SLC16A12: variants seen among roughly 807,000 people sequenced by gnomAD.
The protein encoded by SLC16A12 is monocarboxylate transporter 12.
SLC16A12 carries 17 observed loss-of-function variants against 42.4 expected under a neutral mutation model. That is an observed-to-expected ratio of 0.40 (90% CI 0.27 to 0.60). The LOEUF (loss-of-function observed/expected upper bound fraction) is 0.60. Among genes scored for constraint, SLC16A12 ranks in the 20% least tolerant of loss-of-function variants. The pLI is 0.42. For synonymous variants in SLC16A12, 224 were observed against 229.4 expected (o/e 0.98, Z 0.21); for missense variants, 544 against 623.0 (o/e 0.87, Z 1.35).
chr10:89,438,941 C>A lies in SLC16A12; in HGVS notation c.691G>T (p.Glu231Ter). The A allele has an allele frequency of 6.2e-7, 1 of 1,614,166 alleles. No homozygotes were observed. Among genetic ancestry groups the A allele is most frequent in the Non-Finnish European group, 8.5e-7 (1 of 1,180,020 alleles). The change falls in exon 6 of 8, where the codon GAG (glutamate) becomes TAG (stop). Residue 231 changes from glutamate to a stop codon, truncating the protein, a stop_gained. Coordinates refer to ENST00000371790, the MANE Select transcript of SLC16A12 (RefSeq NM_213606.4). LOFTEE classifies it high-confidence loss of function. ...GALMRPITLKEDHTTPEQNHV... is the reference protein window; with the variant it reads ...GALMRPITLK ...TTCTGCTCTGGAGTTGTGTGGTCCT[C>A]TTTAAGAGTAATTGGCCTCATCAAG...
intron 2 of SLC16A12, among the ~76,000 whole-genome samples, chr10:89,550,188 C>T (rs570282779): frequency 6.6e-6 from 1 of 152,306 alleles, no homozygotes; most frequent in African/African-American, 2.4e-5. Context: ...TGCTCTTAGC[C>T]TCTTCCCATC....
intron 2 of SLC16A12, among the ~76,000 whole-genome samples, chr10:89,514,147 A>C (rs769933403): frequency 6.6e-6 from 1 of 152,254 alleles, no homozygotes; most frequent in African/African-American, 2.4e-5. Context: ...TGACAAGCTC[A>C]CAAGTGACGC....
chr10:89,486,748 G>A (rs962643536), intron 2 of SLC16A12, among the ~76,000 whole-genome samples: 6 of 150,376 alleles, frequency 4.0e-5, no homozygotes, highest in Non-Finnish European at 8.9e-5. Context: ...GTAGAAATAA[G>A]TATAGAAATA....
chr10:89,453,551 A>C (rs1251750282), intron 3 of SLC16A12, among the ~76,000 whole-genome samples: 2 of 152,202 alleles, frequency 1.3e-5, no homozygotes, highest in Non-Finnish European at 2.9e-5. Flanking sequence ...AATTGTCTAC[A>C]GTATTCAGTA....
chr10:89,446,250 C>T (rs940503469), intron 3 of SLC16A12, among the ~76,000 whole-genome samples: 1 of 152,028 alleles, frequency 6.6e-6, no homozygotes, highest in Non-Finnish European at 1.5e-5. Context: ...TCAGGAAATA[C>T]AGAGAACAAC....
At chr10:89,507,023 G>A (rs754332347) in intron 2 of SLC16A12, among the ~76,000 whole-genome samples, 25 of 152,004 alleles carry the variant, frequency 1.6e-4, no homozygotes, top group Non-Finnish European at 3.5e-4. Context: ...GACAAGATTA[G>A]AGAAAAAAGA....
chr10:89,530,478 C>T lies in SLC16A12; in HGVS notation c.-47+4023G>A, dbSNP rs1294212745. Among the ~76,000 whole-genome samples, 8 of 151,168 alleles carry T rather than the reference C, an allele frequency of 5.3e-5. No homozygotes were observed. In the East Asian group the frequency reaches 5.8e-4, roughly 11 times the overall value. On this transcript the variant is annotated intron_variant, in intron 2 of 7. Transcript: ENST00000371790. ...TGTTGCCCAGGCTGGAGTGCAGTGG[C>T]GGGATCTTGGCTCACTGCAAGCTCC...
At chr10:89,546,915 C>T (rs1843745276) in intron 2 of SLC16A12, among the ~76,000 whole-genome samples, 1 of 152,162 alleles carries the variant, frequency 6.6e-6, no homozygotes, top group Non-Finnish European at 1.5e-5. Context: ...CCATCATCCC[C>T]AACAAACTAA....
chr10:89,549,162 T>A (rs1843757053), intron 2 of SLC16A12, among the ~76,000 whole-genome samples: 1 of 152,234 alleles, frequency 6.6e-6, no homozygotes, highest in Admixed American at 6.5e-5. Context: ...TCTTTATGAA[T>A]TAATTAGCAA....
intron 3 of SLC16A12, among the ~76,000 whole-genome samples, chr10:89,459,941 C>CAAAAT (rs1842268783): frequency 1.3e-5 from 2 of 152,060 alleles, no homozygotes; most frequent in South Asian, 2.1e-4. Context: ...AACTCTGTCT[C>CAAAAT]AAAATAAAAT....
upstream of SLC16A12, among the ~76,000 whole-genome samples, chr10:89,536,545 C>T (rs879509979): frequency 6.6e-5 from 10 of 151,906 alleles, no homozygotes; most frequent in Non-Finnish European, 1.2e-4. Flanking sequence ...GAAAAGGGAG[C>T]TGCCAGGACG....
At chr10:89,483,843 T>G (rs1380709930) in intron 2 of SLC16A12, among the ~76,000 whole-genome samples, 1 of 152,204 alleles carries the variant, frequency 6.6e-6, no homozygotes, top group African/African-American at 2.4e-5. Context: ...TTAGTGCTTT[T>G]TACACATGTT....
intron 2 of SLC16A12, among the ~76,000 whole-genome samples, chr10:89,520,931 G>A (rs1468777645): frequency 1.3e-5 from 2 of 152,212 alleles, no homozygotes; most frequent in Non-Finnish European, 2.9e-5. Flanking sequence ...CCAGTGCCTG[G>A]AACACGTACA....
upstream of SLC16A12, among the ~76,000 whole-genome samples, chr10:89,535,735 G>T (rs1843647571): frequency 6.6e-6 from 1 of 152,102 alleles, no homozygotes; most frequent in East Asian, 1.9e-4. Flanking sequence ...TGCCCCCGGG[G>T]CGCACCCGCC....
intron 3 of SLC16A12, among the ~76,000 whole-genome samples, chr10:89,456,470 G>A (rs1334715692): frequency 6.6e-6 from 1 of 152,002 alleles, no homozygotes; most frequent in Non-Finnish European, 1.5e-5. Flanking sequence ...AACTCAAGTG[G>A]CCAATTTATG....
chr10:89,430,999 TC>T lies in SLC16A12; in HGVS notation c.*2064del, dbSNP rs750912858. 4 of 245,356 alleles carry T rather than the reference TC, an allele frequency of 1.6e-5. No individual in the cohort carries two copies. Among genetic ancestry groups the T allele is most frequent in the Admixed American group, 6.1e-5 (1 of 16,282 alleles). The allele number at this position is 245,356 out of a possible 1,614,324, so 15.2% of individuals were successfully genotyped here. The stretch of plus-strand genomic sequence containing the variant: ...TAACTTTGACATTTTACAGATACCT[TC>T]CAATTTTTTTTTTTTGAGATGGAGT... On this transcript the variant is annotated 3_prime_UTR_variant, in exon 8 of 8. Transcript: ENST00000371790.
intron 3 of SLC16A12, among the ~76,000 whole-genome samples, chr10:89,454,715 C>A (rs1406889611): frequency 1.3e-5 from 2 of 151,952 alleles, no homozygotes; most frequent in African/African-American, 2.4e-5. Context: ...GATAACCTTC[C>A]TCCAGGAAGG....
At chr10:89,454,095 T>C (rs955645081) in intron 3 of SLC16A12, among the ~76,000 whole-genome samples, 2 of 151,960 alleles carry the variant, frequency 1.3e-5, no homozygotes, top group Admixed American at 1.3e-4. Context: ...GTGTGATCAC[T>C]GCAGCCTTGA....
At position 89,441,118 on chromosome 10, in the gene SLC16A12, T is replaced by A. The variant is rs1046343574; in HGVS notation, c.438A>T (p.Gly146=). The change falls in exon 5 of 8, where the codon GGA becomes GGT. Residue 146 remains glycine, a synonymous_variant. Coordinates refer to ENST00000371790, the MANE Select transcript of SLC16A12 (RefSeq NM_213606.4). ...TSLKHLYLTL[G]VLTGLGFALC... is the part of the protein sequence containing the mutation. Reference sequence around the variant, plus strand: ...ACAAAGTGCCCTTACCTGTAAGAACTCCCAGAGTGAGGTAGAGATGCTTCA... The same window carrying A: ...ACAAAGTGCCCTTACCTGTAAGAACACCCAGAGTGAGGTAGAGATGCTTCA... The A allele has an allele frequency of 1.2e-6, 2 of 1,613,760 alleles. No individual in the cohort carries two copies. Among genetic ancestry groups the A allele is most frequent in the Admixed American group, 3.3e-5 (2 of 59,986 alleles).
Sources: allele counts gnomAD v4.1 joint callset (sites outside exome capture counted in the v4.1 genomes callset), GRCh38; gene constraint gnomAD v4.1.1; transcripts MANE v1.5; gene names NCBI Gene and HGNC (gene_info 2026-07-23, HGNC 2026-07-21).